Variants in PRDM5 observed in about 807,000 individuals in gnomAD.
PRDM5 encodes PR domain zinc finger protein 5.
Under a neutral mutation model 81.2 loss-of-function variants are expected in PRDM5, and 56 were observed. That is an observed-to-expected ratio of 0.69 (90% confidence interval 0.56 to 0.86). The LOEUF is 0.86. Among genes scored for constraint, PRDM5 ranks in the 40% least tolerant of loss-of-function variants. The pLI is 0.00. For synonymous variants in PRDM5, 267 were observed against 256.4 expected (o/e 1.04, Z -0.39); for missense variants, 697 against 770.1 (o/e 0.91, Z 1.12).
At chr4:120,771,050 T>C (rs1747217197) in intron 13 of PRDM5, among the ~76,000 whole-genome samples, 1 of 152,252 alleles carries the variant, frequency 6.6e-6, no homozygotes, top group Non-Finnish European at 1.5e-5. Context: ...TTATTTAGTA[T>C]ATATCCATAT....
Position 120,803,934 on chromosome 4 carries a change from T to C in PRDM5, c.946-4189A>G, listed in dbSNP as rs192263724. ...AAATTGGATAGAGAGTCAACACCCA[T>C]CAGTGTGCAGTATTCAGGAGACCCA... is the stretch of plus-strand genomic sequence containing the variant. On this transcript the variant is annotated intron_variant, in intron 8 of 15. Transcript: ENST00000264808. Among the ~76,000 whole-genome samples, 75 of 152,178 alleles carry C rather than the reference T, an allele frequency of 4.9e-4. 1 individual carries two copies. Among genetic ancestry groups the C allele is most frequent in the African/African-American group, 1.3e-3 (54 of 41,526 alleles).
intron 13 of PRDM5, among the ~76,000 whole-genome samples, chr4:120,770,430 A>C (rs1156705460): frequency 6.6e-6 from 1 of 151,426 alleles, no homozygotes; most frequent in Non-Finnish European, 1.5e-5. Context: ...ATTTATTAAC[A>C]TTTCACCAAA....
chr4:120,705,546 A>T (rs1735985138), intron 15 of PRDM5, among the ~76,000 whole-genome samples: 1 of 152,126 alleles, frequency 6.6e-6, no homozygotes, highest in African/African-American at 2.4e-5. Context: ...TCCAAAAAAG[A>T]CTAAAGAGGC....
intron 2 of PRDM5, among the ~76,000 whole-genome samples, chr4:120,861,708 G>A (rs1760605457): frequency 6.6e-6 from 1 of 151,722 alleles, no homozygotes; most frequent in Non-Finnish European, 1.5e-5. Flanking sequence ...TGAGGCAGGA[G>A]AATCACTTGA....
chr4:120,859,167 C>T (rs953970846), intron 2 of PRDM5, among the ~76,000 whole-genome samples: 1 of 151,674 alleles, frequency 6.6e-6, no homozygotes, highest in African/African-American at 2.4e-5. Flanking sequence ...TATAAACATT[C>T]TGCTTTCAAT....
intron 2 of PRDM5, among the ~76,000 whole-genome samples, chr4:120,866,437 C>T (rs1010157056): frequency 2.0e-5 from 3 of 152,198 alleles, no homozygotes; most frequent in Non-Finnish European, 4.4e-5. Flanking sequence ...GAAAAGAAAT[C>T]TGCTTTAAAA....
intron 15 of PRDM5, among the ~76,000 whole-genome samples, chr4:120,702,009 A>T (rs1462662660): frequency 2.0e-5 from 3 of 152,126 alleles, no homozygotes; most frequent in South Asian, 2.1e-4. Context: ...AAATGTTTGG[A>T]ATTGTGGGGG....
intron 13 of PRDM5, among the ~76,000 whole-genome samples, chr4:120,775,855 G>T (rs1368364717): frequency 6.6e-6 from 1 of 152,012 alleles, no homozygotes; most frequent in African/African-American, 2.4e-5. Flanking sequence ...CATAAAAGAG[G>T]GCTGCCCAGT....
chr4:120,805,215 T>C (rs974131881), intron 8 of PRDM5, among the ~76,000 whole-genome samples: 3 of 152,128 alleles, frequency 2.0e-5, no homozygotes, highest in Admixed American at 6.5e-5. Flanking sequence ...ATTAATAGCC[T>C]ACCAACCAAA....
At chr4:120,868,714 T>C (rs1346764808) in intron 2 of PRDM5, among the ~76,000 whole-genome samples, 1 of 152,158 alleles carries the variant, frequency 6.6e-6, no homozygotes, top group Non-Finnish European at 1.5e-5. Context: ...GTGGCATGGA[T>C]AGTAGGTAAC....
intron 12 of PRDM5, among the ~76,000 whole-genome samples, chr4:120,779,861 G>C (rs949560394): frequency 8.6e-5 from 13 of 152,046 alleles, no homozygotes; most frequent in Non-Finnish European, 1.9e-4. Flanking sequence ...GGAGAGCCGA[G>C]ATGGCACCAC....
chr4:120,863,583 C>G (rs1760881460), intron 2 of PRDM5, among the ~76,000 whole-genome samples: 1 of 151,918 alleles, frequency 6.6e-6, no homozygotes, highest in Admixed American at 6.6e-5. Context: ...GAAATTAAAC[C>G]ATACCAATTC....
chr4:120,801,462 G>A (rs1214327036), intron 8 of PRDM5, among the ~76,000 whole-genome samples: 5 of 152,236 alleles, frequency 3.3e-5, no homozygotes, highest in African/African-American at 1.2e-4. Flanking sequence ...TTGCCAACCA[G>A]CCTCTGCTTC....
intron 2 of PRDM5, among the ~76,000 whole-genome samples, chr4:120,856,096 G>C (rs984065545): frequency 6.6e-6 from 1 of 152,054 alleles, no homozygotes; most frequent in Admixed American, 6.6e-5. Context: ...AGGCCCTTTA[G>C]CCCCAACTAT....
Position 120,777,258 on chromosome 4 carries a change from T to C in PRDM5, c.1467A>G (p.Lys489=). The C allele has an allele frequency of 6.2e-7, 1 of 1,613,378 alleles. No individual in the cohort carries two copies. Among genetic ancestry groups the C allele is most frequent in the Non-Finnish European group, 8.5e-7 (1 of 1,179,512 alleles). Residue 489 remains lysine, a synonymous_variant, in exon 13 of 16, where the codon AAA becomes AAG. Coordinates refer to ENST00000264808, the MANE Select transcript of PRDM5 (RefSeq NM_018699.4). ...ATTTCTGGCCACAATATGGACAGAT[T>C]TTCTCCTTTTCTCCTGTATGTGTCT... ...HKKTHTGEKE[K]ICPYCGQKFA...
intron 3 of PRDM5, among the ~76,000 whole-genome samples, chr4:120,849,305 G>C (rs773423942): frequency 1.8e-4 from 28 of 152,126 alleles, no homozygotes; most frequent in Non-Finnish European, 3.5e-4. Context: ...CGCCAGAGAA[G>C]ACCCCAGGAT....
chr4:120,825,573 C>T (rs1279490667), intron 3 of PRDM5, among the ~76,000 whole-genome samples: 1 of 152,180 alleles, frequency 6.6e-6, no homozygotes, highest in Non-Finnish European at 1.5e-5. Context: ...CCCACTGCCT[C>T]CACTACTCAC....
intron 2 of PRDM5, among the ~76,000 whole-genome samples, chr4:120,871,775 AAAAAAG>A (rs1366409156): frequency 5.9e-5 from 9 of 152,098 alleles, no homozygotes; most frequent in African/African-American, 1.7e-4. Flanking sequence ...TCAAAAAAAA[AAAAAAG>A]AAAGAATTGG....
chr4:120,711,327 CT>C (rs1736943007), intron 14 of PRDM5, among the ~76,000 whole-genome samples: 2 of 152,114 alleles, frequency 1.3e-5, no homozygotes, highest in African/African-American at 4.8e-5. Context: ...GTGATGGAGT[CT>C]CCCTCTGTCA....
Sources: gnomAD v4.1 joint callset for allele counts (sites outside exome capture counted in the v4.1 genomes callset) on GRCh38, gnomAD v4.1.1 for gene constraint, MANE v1.5 for transcripts, NCBI Gene and HGNC (gene_info 2026-07-23, HGNC 2026-07-21) for gene names.